PHF24: variants seen among roughly 807,000 people sequenced by gnomAD.
PHF24 encodes the protein Galpha inhibitory interacting protein.
A neutral mutation model predicts 42.6 loss-of-function variants in PHF24; 25 were observed. That is an observed-to-expected ratio of 0.59 (90% CI 0.43 to 0.82). PHF24 has a LOEUF of 0.82. PHF24 is among the 40% of genes least tolerant of loss of function. The pLI is 0.00. For missense variants in PHF24, 470 were observed against 538.1 expected (o/e 0.87, Z 1.25); for synonymous variants, 185 against 204.8 (o/e 0.90, Z 0.83).
At chr9:34,979,625 C>T (rs1364277886) in exon 8 of PHF24, 3 of 152,230 alleles carry the variant, frequency 2.0e-5, no homozygotes, top group African/African-American at 4.8e-5. Context: ...CTTCATTGCT[C>T]GAGGCCCTTG....
chr9:34,813,442 G>A, the PHF24 span, among the ~76,000 whole-genome samples: 1 of 152,298 alleles, frequency 6.6e-6, no homozygotes, highest in Non-Finnish European at 1.5e-5. Flanking sequence ...CAGGAGTCCA[G>A]CTTGATCCTT....
chr9:34,864,567 A>G, the PHF24 span, among the ~76,000 whole-genome samples: 1 of 152,220 alleles, frequency 6.6e-6, no homozygotes, highest in Non-Finnish European at 1.5e-5. Flanking sequence ...TTCAAAGATG[A>G]AGGAGAAATA....
the PHF24 span, among the ~76,000 whole-genome samples, chr9:34,704,532 A>G: frequency 3.3e-5 from 5 of 151,888 alleles, no homozygotes; most frequent in Non-Finnish European, 4.4e-5. Flanking sequence ...TAGTGGTGAA[A>G]TTATTTAAAA....
the PHF24 span, among the ~76,000 whole-genome samples, chr9:34,893,697 G>A: frequency 1.3e-5 from 2 of 152,196 alleles, no homozygotes; most frequent in Non-Finnish European, 2.9e-5. Context: ...GGCTTCAGAC[G>A]ACCCATGGGA....
At chr9:34,937,042 C>G in the PHF24 span, among the ~76,000 whole-genome samples, 51,287 of 125,458 alleles carry the variant, frequency 0.41, 14,728 homozygotes, top group South Asian at 0.51. Context: ...CAGCCCCCCC[C>G]CCGGGCCAGC....
the PHF24 span, chr9:34,723,308 G>A: frequency 1.3e-6 from 2 of 1,551,728 alleles, no homozygotes; most frequent in Non-Finnish European, 8.7e-7. Flanking sequence ...GTAGCCCAGG[G>A]CTGAGGCAGA....
the PHF24 span, among the ~76,000 whole-genome samples, chr9:34,809,647 G>A: frequency 1.3e-5 from 2 of 152,348 alleles, no homozygotes; most frequent in South Asian, 2.1e-4. The surrounding 1 kb of genome is among the most constrained non-coding windows in gnomAD (Gnocchi z 4.1). Flanking sequence ...TGGCGAGAGA[G>A]CACGAGGGCG....
the PHF24 span, among the ~76,000 whole-genome samples, chr9:34,745,377 T>A: frequency 6.6e-6 from 1 of 152,274 alleles, no homozygotes; most frequent in Non-Finnish European, 1.5e-5. Context: ...GGCTAGCTGC[T>A]TCACTGGAGT....
chr9:34,978,256 GA>G, exon 8 of PHF24: 1 of 626,130 alleles, frequency 1.6e-6, no homozygotes, highest in Non-Finnish European at 2.8e-6. Context: ...TTAAGGCACT[GA>G]AATCACCATT....
the PHF24 span, among the ~76,000 whole-genome samples, chr9:34,779,153 T>C: frequency 6.6e-6 from 1 of 151,552 alleles, no homozygotes; most frequent in South Asian, 2.1e-4. Flanking sequence ...AGAAAAAAGA[T>C]CTCAAATCCA....
the PHF24 span, among the ~76,000 whole-genome samples, chr9:34,824,639 C>G: frequency 4.5e-3 from 681 of 152,150 alleles, 4 homozygotes; most frequent in African/African-American, 0.016. Flanking sequence ...AGAATTTAGA[C>G]AAAGAGATAA....
chr9:34,900,432 C>T, the PHF24 span, among the ~76,000 whole-genome samples: 15 of 152,110 alleles, frequency 9.9e-5, no homozygotes, highest in Admixed American at 2.0e-4. Context: ...AACTCCATCT[C>T]TACAAAAACT....
At chr9:34,680,556 C>T in the PHF24 span, among the ~76,000 whole-genome samples, 238 of 137,198 alleles carry the variant, frequency 1.7e-3, 1 homozygote, top group African/African-American at 6.0e-3. Context: ...GGCGTAGTGG[C>T]GGGCGCCTGT....
the PHF24 span, among the ~76,000 whole-genome samples, chr9:34,829,538 A>G: frequency 2.0e-5 from 3 of 152,116 alleles, no homozygotes; most frequent in Admixed American, 2.0e-4. Context: ...TTTTATTGTG[A>G]CCCTTCTGGG....
chr9:34,930,197 A>T, the PHF24 span, among the ~76,000 whole-genome samples: 1 of 152,154 alleles, frequency 6.6e-6, no homozygotes, highest in Non-Finnish European at 1.5e-5. Context: ...TGGTTTGTGC[A>T]GGTTTCTCAG....
the PHF24 span, chr9:34,837,711 A>G: frequency 1.3e-6 from 2 of 1,488,668 alleles, no homozygotes; most frequent in East Asian, 2.5e-5. Context: ...TTAAAAGACA[A>G]AAACATTAGA....
the PHF24 span, among the ~76,000 whole-genome samples, chr9:34,830,705 C>G: frequency 6.6e-6 from 1 of 152,112 alleles, no homozygotes; most frequent in East Asian, 1.9e-4. Context: ...CTAGGAACAT[C>G]TTGGTATGGC....
the PHF24 span, chr9:34,838,225 A>G: frequency 7.5e-5 from 46 of 617,186 alleles, no homozygotes; most frequent in African/African-American, 6.5e-4. Flanking sequence ...ATATAAAAGT[A>G]ACTAAAGGTA....
At chr9:34,889,643 G>A in the PHF24 span, 1 of 398,540 alleles carries the variant, frequency 2.5e-6, no homozygotes. Context: ...CTTCTGGAAG[G>A]ATGATGCTCT....
Sources: gnomAD v4.1 joint callset for allele counts (sites outside exome capture counted in the v4.1 genomes callset) on GRCh38, gnomAD v4.1.1 for gene constraint, Gnocchi (gnomAD v3.1) non-coding constraint, MANE v1.5 for transcripts, NCBI Gene and HGNC (gene_info 2026-07-23, HGNC 2026-07-21) for gene names.